Variants in FUT2 observed in about 807,000 individuals in gnomAD.
FUT2 encodes galactoside alpha-(1,2)-fucosyltransferase 2.
For synonymous variants in FUT2, 182 were observed against 193.1 expected (o/e 0.94, Z 0.48); for missense variants, 419 against 465.8 (o/e 0.90, Z 0.93).
In FUT2 at chr19:48,705,100, C is replaced by CTTTTTATT; in HGVS notation, c.*1117_*1118insATTTTTTT. Reference sequence around the variant, plus strand: ...CCCAGAGAGCTCACTGTTTTCTTTTCTTTTTCTTTTCTTTTTTTTTTTTTT... The same window carrying CTTTTTATT: ...CCCAGAGAGCTCACTGTTTTCTTTTCTTTTTATTTTTTTCTTTTCTTTTTTTTTTTTTT... On this transcript the variant is annotated 3_prime_UTR_variant, in exon 2 of 2. Coordinates refer to ENST00000425340, the MANE Select transcript of FUT2 (RefSeq NM_000511.6). 4.0e-5 allele frequency: 7 copies of CTTTTTATT among 174,944 alleles called. No individual in the cohort carries two copies. Among genetic ancestry groups the CTTTTTATT allele is most frequent in the Non-Finnish European group, 7.2e-5 (6 of 83,838 alleles). 10.8% of individuals were successfully genotyped at this position (174,944 alleles called of 1,614,324 possible).
chr19:48,702,980 C>T lies in FUT2; in HGVS notation c.24C>T (p.Phe8=). Residue 8 remains phenylalanine, a synonymous_variant, in exon 2 of 2, where the codon TTC becomes TTT. Coordinates refer to ENST00000425340, the MANE Select transcript of FUT2 (RefSeq NM_000511.6). ...CCATGCTGGTCGTTCAGATGCCTTTCTCCTTTCCCATGGCCCACTTCATCC... is the reference window on the plus strand; with the variant it reads ...CCATGCTGGTCGTTCAGATGCCTTTTTCCTTTCCCATGGCCCACTTCATCC... The part of the protein sequence containing the change: MLVVQMP[F]SFPMAHFILF... 1 of 1,613,220 alleles carries T rather than the reference C, an allele frequency of 6.2e-7. No individual in the cohort carries two copies. Among genetic ancestry groups the T allele is most frequent in the Middle Eastern group, 1.6e-4 (1 of 6,062 alleles).
At chr19:48,696,111 C>T (rs2032407121) in intron 1 of FUT2, 22 bp downstream of exon 1, 1 of 152,724 alleles carries the variant, frequency 6.5e-6, no homozygotes, top group South Asian at 2.1e-4. Context: ...CCTCTCCCAC[C>T]CTACAACACG....
chr19:48,704,067 T>G lies in FUT2; in HGVS notation c.*79T>G. On this transcript the variant is annotated 3_prime_UTR_variant, in exon 2 of 2. Coordinates refer to ENST00000425340, the MANE Select transcript of FUT2 (RefSeq NM_000511.6). ...TGCCCGGGCATGAGAAGCACATGGT[T>G]CCATGAGCAGGACCCATCTCTCTTC... The G allele has an allele frequency of 7.7e-7, 1 of 1,294,428 alleles. No homozygotes were observed. The highest frequency in any genetic ancestry group is 1.1e-6 in the Non-Finnish European group (1 of 893,332). 80.2% of individuals were successfully genotyped at this position (1,294,428 alleles called of 1,614,324 possible). A position where few individuals can be genotyped will look rare whatever the true frequency, so the allele number is the denominator to read the frequency against.
intron 1 of FUT2, among the ~76,000 whole-genome samples, chr19:48,696,801 C>T (rs1392308250): frequency 6.6e-6 from 1 of 152,036 alleles, no homozygotes; most frequent in East Asian, 1.9e-4. Flanking sequence ...GCCCGGGGCA[C>T]GGGGCGGTTG....
chr19:48,699,528 G>A (rs902081076), intron 1 of FUT2, among the ~76,000 whole-genome samples: 5 of 151,936 alleles, frequency 3.3e-5, no homozygotes, highest in African/African-American at 4.8e-5. Context: ...TGGTTTAAAC[G>A]CTACATTTGA....
In FUT2 at chr19:48,703,937, G is replaced by A. The variant is rs1226035714; in HGVS notation, c.981G>A (p.Leu327=). 3.7e-6 allele frequency: 6 copies of A among 1,613,418 alleles called. No homozygotes were observed. The highest frequency in any genetic ancestry group is 5.1e-6 in the Non-Finnish European group (6 of 1,180,012). Residue 327 remains leucine, a synonymous_variant, in exon 2 of 2, where the codon CTG becomes CTA. Transcript: ENST00000425340. ...TCTTTAAGCCAGAGGCAGCCTTCCT[G>A]CCGGAGTGGACAGGGATTGCCGCAG... ...LKIFKPEAAF[L]PEWTGIAADL...
At chr19:48,697,476 G>C (rs756946996) in intron 1 of FUT2, among the ~76,000 whole-genome samples, 34 of 151,430 alleles carry the variant, frequency 2.2e-4, no homozygotes, top group Non-Finnish European at 2.9e-5. Flanking sequence ...TTTGAGATCA[G>C]TGTGGGCCAC....
At chr19:48,702,642 T>G (rs1228300867) in intron 1 of FUT2, among the ~76,000 whole-genome samples, 1 of 152,056 alleles carries the variant, frequency 6.6e-6, no homozygotes, top group Non-Finnish European at 1.5e-5. Context: ...CAGCTGTATA[T>G]GTACACACAC....
Position 48,703,874 on chromosome 19 carries a change from G to A in FUT2, c.918G>A (p.Leu306=). ...TCACGGGCGGAGACACCATCTACCT[G>A]GCCAATTACACCCTCCCCGACTCCC... is the stretch of plus-strand genomic sequence containing the variant. ...AYLTGGDTIY[L]ANYTLPDSPF... is the part of the protein sequence containing the mutation. Residue 306 remains leucine, a synonymous_variant, in exon 2 of 2, where the codon CTG becomes CTA. Coordinates refer to ENST00000425340, the MANE Select transcript of FUT2 (RefSeq NM_000511.6). The A allele has an allele frequency of 6.2e-7, 1 of 1,613,610 alleles. No homozygotes were observed. Among genetic ancestry groups the A allele is most frequent in the Non-Finnish European group, 8.5e-7 (1 of 1,180,034 alleles).
At chr19:48,699,668 ACT>A (rs1395149922) in intron 1 of FUT2, among the ~76,000 whole-genome samples, 1 of 152,012 alleles carries the variant, frequency 6.6e-6, no homozygotes, top group African/African-American at 2.4e-5. Flanking sequence ...TGTGCCAGAC[ACT>A]GTTTTAATCC....
rs764196118 is a variant in FUT2 at position 48,705,111 on chromosome 19, CTT to C, written c.*1139_*1140del. The C allele has an allele frequency of 3.9e-3, 542 of 138,778 alleles. No individual in the cohort carries two copies. Among genetic ancestry groups the C allele is most frequent in the East Asian group, 0.016 (147 of 9,158 alleles). The allele number at this position is 138,778 out of a possible 1,614,324, so 8.6% of individuals were successfully genotyped here. A position where few individuals can be genotyped will look rare whatever the true frequency, so the allele number is the denominator to read the frequency against. On this transcript the variant is annotated 3_prime_UTR_variant, in exon 2 of 2. Coordinates refer to ENST00000425340, the MANE Select transcript of FUT2 (RefSeq NM_000511.6). ...CACTGTTTTCTTTTCTTTTTCTTTT[CTT>C]TTTTTTTTTTTTTTTGAGATGGAGT...
In FUT2 at chr19:48,705,677, C is replaced by T. The variant is rs1322537929; in HGVS notation, c.*1689C>T. The T allele has an allele frequency of 6.0e-6, 1 of 167,114 alleles. No homozygotes were observed. Among genetic ancestry groups the T allele is most frequent in the African/African-American group, 2.4e-5 (1 of 41,444 alleles). 10.4% of individuals were successfully genotyped at this position (167,114 alleles called of 1,614,324 possible). On this transcript the variant is annotated 3_prime_UTR_variant, in exon 2 of 2. Coordinates refer to ENST00000425340, the MANE Select transcript of FUT2 (RefSeq NM_000511.6). ...AGGCAGTGAAACCCCCCACAGCAGCCTTCCCTCTCAGAGGATACATTTGTA... is the reference window on the plus strand; with the variant it reads ...AGGCAGTGAAACCCCCCACAGCAGCTTTCCCTCTCAGAGGATACATTTGTA...
chr19:48,702,888 G>C (rs516316), intron 1 of FUT2, 67 bp from the exon 2 acceptor site: 678,674 of 1,487,588 alleles, frequency 0.46, 165,261 homozygotes, highest in Middle Eastern at 0.52. Flanking sequence ...CCACCGCATG[G>C]CCACGTTCAC....
chr19:48,702,004 C>A (rs150528711), intron 1 of FUT2, among the ~76,000 whole-genome samples: 1 of 151,948 alleles, frequency 6.6e-6, no homozygotes, highest in Non-Finnish European at 1.5e-5. Flanking sequence ...AAAAGAACAT[C>A]TCTACAAACT....
intron 1 of FUT2, among the ~76,000 whole-genome samples, chr19:48,702,630 C>T (rs2032535997): frequency 6.6e-6 from 1 of 151,926 alleles, no homozygotes; most frequent in Non-Finnish European, 1.5e-5. Flanking sequence ...TCCATTTGTA[C>T]ACAGCTGTAT....
At chr19:48,701,970 G>T (rs141530043) in intron 1 of FUT2, among the ~76,000 whole-genome samples, 1 of 151,958 alleles carries the variant, frequency 6.6e-6, no homozygotes, top group Non-Finnish European at 1.5e-5. Flanking sequence ...TCCAGCCTGG[G>T]TGACAGAGAT....
intron 1 of FUT2, among the ~76,000 whole-genome samples, chr19:48,699,218 G>GCAA (rs1211320278): frequency 6.7e-6 from 1 of 149,634 alleles, no homozygotes; most frequent in Admixed American, 6.7e-5. Flanking sequence ...TTTTTAGATG[G>GCAA]AGTTTTACTC....
chr19:48,697,590 T>C (rs1417230849), intron 1 of FUT2, among the ~76,000 whole-genome samples: 2 of 151,978 alleles, frequency 1.3e-5, no homozygotes, highest in African/African-American at 2.4e-5. Context: ...CTGACATAAG[T>C]GTGAGTTTGG....
At chr19:48,701,926 G>A (rs1172130158) in intron 1 of FUT2, among the ~76,000 whole-genome samples, 1 of 152,020 alleles carries the variant, frequency 6.6e-6, no homozygotes, top group Non-Finnish European at 1.5e-5. Context: ...CTGGGAGGCA[G>A]AGGTTGCAGT....
Sources: gnomAD v4.1 joint callset for allele counts (sites outside exome capture counted in the v4.1 genomes callset) on GRCh38, gnomAD v4.1.1 for gene constraint, MANE v1.5 for transcripts, NCBI Gene and HGNC (gene_info 2026-07-23, HGNC 2026-07-21) for gene names.